Variants in RAD50 observed in about 807,000 individuals in gnomAD.
The protein encoded by RAD50 is RAD50 double strand break repair protein.
A neutral mutation model predicts 168.8 loss-of-function variants in RAD50; 132 were observed. That is an observed-to-expected ratio of 0.78 (90% CI 0.68 to 0.90). RAD50 has a LOEUF of 0.90. RAD50 is among the 40% of genes least tolerant of loss of function. The pLI is 0.00. For missense variants in RAD50, 1,347 were observed against 1,534.4 expected (o/e 0.88, Z 2.04); for synonymous variants, 525 against 497.4 (o/e 1.06, Z -0.74).
At position 132,643,400 on chromosome 5, in the gene RAD50, G is replaced by GAATT. The variant is rs1197761894; in HGVS notation, c.*1038_*1041dup. 1 of 236,742 alleles carries GAATT rather than the reference G, an allele frequency of 4.2e-6. No individual in the cohort carries two copies. The highest frequency in any genetic ancestry group is 8.5e-6 in the Non-Finnish European group (1 of 117,430). 14.7% of individuals were successfully genotyped at this position (236,742 alleles called of 1,614,324 possible). Reference sequence around the variant, plus strand: ...GAATGCAACCAAGTCACACGCTTTTGAATTATGCTTTGTAGAGTTTTGTCA... The same window carrying GAATT: ...GAATGCAACCAAGTCACACGCTTTTGAATTAATTATGCTTTGTAGAGTTTTGTCA... On this transcript the variant is annotated 3_prime_UTR_variant, in exon 25 of 25. Coordinates refer to ENST00000378823, the MANE Select transcript of RAD50 (RefSeq NM_005732.4).
intron 2 of RAD50, among the ~76,000 whole-genome samples, chr5:132,568,575 T>C (rs1011562668): frequency 3.9e-5 from 6 of 152,084 alleles, no homozygotes; most frequent in African/African-American, 1.4e-4. Context: ...ATATAAAATC[T>C]TAAAAACAGG....
Position 132,645,791 on chromosome 5 carries a change from A to C in RAD50, c.*3427A>C, listed in dbSNP as rs1690862305. On this transcript the variant is annotated 3_prime_UTR_variant, in exon 25 of 25. Coordinates refer to ENST00000378823, the MANE Select transcript of RAD50 (RefSeq NM_005732.4). The stretch of plus-strand genomic sequence containing the variant: ...AAGAGACCTGGAGTATTTATATAAC[A>C]ACTTGCCAGGGTTACTGAGTGAAGG... 6.6e-6 allele frequency: 1 copy of C among 152,192 alleles called. No individual in the cohort carries two copies. Among genetic ancestry groups the C allele is most frequent in the African/African-American group, 2.4e-5 (1 of 41,444 alleles). The allele number at this position is 152,192 out of a possible 1,614,324, so 9.4% of individuals were successfully genotyped here. A position where few individuals can be genotyped will look rare whatever the true frequency, so the allele number is the denominator to read the frequency against.
At chr5:132,595,848 C>T in intron 13 of RAD50, 38 bp downstream of exon 13, 1 of 1,537,810 alleles carries the variant, frequency 6.5e-7, no homozygotes, top group South Asian at 1.1e-5. Flanking sequence ...CATGTAGCAG[C>T]ACATTGTAAA....
chr5:132,622,512 TCATTTTATACA>T (rs1311102863), intron 21 of RAD50, among the ~76,000 whole-genome samples: 1 of 152,146 alleles, frequency 6.6e-6, no homozygotes, highest in African/African-American at 2.4e-5. Flanking sequence ...GTGTCTTTAC[TCATTTTATACA>T]CATTTTATAC....
intron 11 of RAD50, chr5:132,593,365 C>A (rs1042233674): frequency 1.3e-5 from 2 of 152,480 alleles, no homozygotes; most frequent in African/African-American, 4.8e-5. Context: ...ACATTTTGAA[C>A]TTCATGCATA....
At chr5:132,566,941 A>C (rs1472207446) in intron 2 of RAD50, among the ~76,000 whole-genome samples, 1 of 152,186 alleles carries the variant, frequency 6.6e-6, no homozygotes, top group African/African-American at 2.4e-5. Flanking sequence ...TAGATAGGTT[A>C]GATGCTCCTG....
chr5:132,586,571 G>A (rs932411625), intron 5 of RAD50, among the ~76,000 whole-genome samples: 7 of 151,946 alleles, frequency 4.6e-5, no homozygotes, highest in African/African-American at 7.3e-5. Context: ...GAACGTTTAC[G>A]TTCATATACA....
rs1554098482 is a variant in RAD50, at chr5:132,591,966, G to A, written c.1725G>A (p.Gln575=). The part of the protein sequence containing the change: ...SLLGYFPNKK[Q]LEDWLHSKSK... Reference sequence around the variant, plus strand: ...TGGGATATTTTCCCAACAAAAAACAGCTTGAAGACTGGCTACATAGTAAAT... The same window carrying A: ...TGGGATATTTTCCCAACAAAAAACAACTTGAAGACTGGCTACATAGTAAAT... Residue 575 remains glutamine, a synonymous_variant, in exon 11 of 25, where the codon CAG becomes CAA. Transcript: ENST00000378823. 1 of 1,612,598 alleles carries A rather than the reference G, an allele frequency of 6.2e-7. No individual in the cohort carries two copies. Among genetic ancestry groups the A allele is most frequent in the Non-Finnish European group, 8.5e-7 (1 of 1,178,922 alleles).
intron 21 of RAD50, 148 bp from the exon 22 acceptor site, chr5:132,636,967 T>TA: frequency 1.5e-6 from 1 of 676,544 alleles, no homozygotes; most frequent in Non-Finnish European, 1.9e-6. Flanking sequence ...TTGTAGCTCT[T>TA]ACTATATTCT....
chr5:132,621,247 G>T (rs1197367313), intron 21 of RAD50, among the ~76,000 whole-genome samples: 1 of 152,128 alleles, frequency 6.6e-6, no homozygotes, highest in Non-Finnish European at 1.5e-5. Flanking sequence ...GAGAGGTAGG[G>T]CCCAGCAGTC....
At chr5:132,619,144 C>A (rs972769568) in intron 21 of RAD50, among the ~76,000 whole-genome samples, 1 of 152,092 alleles carries the variant, frequency 6.6e-6, no homozygotes, top group Non-Finnish European at 1.5e-5. Context: ...TACAGATGGA[C>A]ATTTGGGGTT....
At chr5:132,617,842 C>T (rs1751203753) in intron 20 of RAD50, among the ~76,000 whole-genome samples, 3 of 152,122 alleles carry the variant, frequency 2.0e-5, no homozygotes, top group African/African-American at 7.2e-5. Flanking sequence ...TTCTGTAATA[C>T]ACAAAATTAG....
Position 132,638,119 on chromosome 5 carries a change from A to G in RAD50, c.3514A>G (p.Asn1172Asp), listed in dbSNP as rs757481515. 1 of 1,614,076 alleles carries G rather than the reference A, an allele frequency of 6.2e-7. No homozygotes were observed. Among genetic ancestry groups the G allele is most frequent in the Non-Finnish European group, 8.5e-7 (1 of 1,179,908 alleles). ...YIEIRSDADE[N>D]VSASDKRRNY... is the part of the protein sequence containing the mutation. ...AGAAATACGGTCTGATGCCGATGAA[A>G]ATGTATCAGCTTCTGATAAAAGGCG... Residue 1172 changes from asparagine (N) to aspartate (D), a missense_variant, in exon 23 of 25, where the codon AAT (asparagine) becomes GAT (aspartate). Physicochemically the swap from Asn to Asp is conservative, Grantham distance 23. This residue lies in a region of RAD50 where 635 missense variants were observed against 739.2 expected (regional missense o/e 0.86). Coordinates refer to ENST00000378823, the MANE Select transcript of RAD50 (RefSeq NM_005732.4).
At chr5:132,633,091 G>A (rs1156833799) in intron 21 of RAD50, among the ~76,000 whole-genome samples, 2 of 128,772 alleles carry the variant, frequency 1.6e-5, no homozygotes, top group African/African-American at 3.0e-5. Flanking sequence ...ATTTTCTTTC[G>A]TTTTTTCTTT....
Position 132,644,325 on chromosome 5 carries a change from C to T in RAD50, c.*1961C>T, listed in dbSNP as rs980439414. 5.8e-6 allele frequency: 1 copy of T among 171,990 alleles called. No individual in the cohort carries two copies. The highest frequency in any genetic ancestry group is 1.3e-5 in the Non-Finnish European group (1 of 79,456). The allele number at this position is 171,990 out of a possible 1,614,324, so 10.7% of individuals were successfully genotyped here. The stretch of plus-strand genomic sequence containing the variant: ...TGGCTTCTCATTGCTGCTTCTAGAT[C>T]AGTCTCCAAATATCCCCCTTCCCCA... On this transcript the variant is annotated 3_prime_UTR_variant, in exon 25 of 25. Coordinates refer to ENST00000378823, the MANE Select transcript of RAD50 (RefSeq NM_005732.4).
In RAD50 at chr5:132,591,285, TAA is replaced by T. The variant is rs1750692557; in HGVS notation, c.1515_1516del (p.Ile505MetfsTer5). 1.2e-6 allele frequency: 2 copies of T among 1,613,086 alleles called. No homozygotes were observed. Among genetic ancestry groups the T allele is most frequent in the East Asian group, 4.5e-5 (2 of 44,836 alleles). ...GTAGAAACCTTAAAAATGGAAGTAATAAGTCTCCAAAATGAAAAAGCAGACTT... is the reference window on the plus strand; with the variant it reads ...GTAGAAACCTTAAAAATGGAAGTAATGTCTCCAAAATGAAAAAGCAGACTT... On this transcript the variant is annotated frameshift_variant, in exon 10 of 25. Transcript: ENST00000378823. LOFTEE classifies it high-confidence loss of function.
intron 5 of RAD50, among the ~76,000 whole-genome samples, chr5:132,586,996 C>G (rs905719745): frequency 6.6e-6 from 1 of 152,120 alleles, no homozygotes; most frequent in Admixed American, 6.5e-5. Context: ...GAGAATGCCC[C>G]GAACCAGATC....
chr5:132,624,523 A>G (rs1751337654), intron 21 of RAD50, among the ~76,000 whole-genome samples: 1 of 152,202 alleles, frequency 6.6e-6, no homozygotes. Context: ...TTGAGCATTA[A>G]GGAATAGGAG....
At position 132,577,308 on chromosome 5, in the gene RAD50, C is replaced by T. The variant is rs115843957; in HGVS notation, c.365+1380C>T. Among the ~76,000 whole-genome samples the T allele has an allele frequency of 3.6e-3, 555 of 152,276 alleles. 4 individuals carry two copies. Among genetic ancestry groups the T allele is most frequent in the African/African-American group, 0.011 (468 of 41,558 alleles). ...TGCCTTCCTCTCTCACATTAAAGGA[C>T]CCATGTGATTACATTTGCCCCATCC... On this transcript the variant is annotated intron_variant, in intron 3 of 24. Transcript: ENST00000378823.
Sources: allele counts gnomAD v4.1 joint callset (sites outside exome capture counted in the v4.1 genomes callset), GRCh38; gene constraint gnomAD v4.1.1; regional missense constraint gnomAD v4.1.1; transcripts MANE v1.5; gene names NCBI Gene and HGNC (gene_info 2026-07-23, HGNC 2026-07-21).